NLGN1: variants seen among roughly 807,000 people sequenced by gnomAD.
The protein encoded by NLGN1 is neuroligin 1, also known as neuroligin-1.
In NLGN1, 12 loss-of-function variants were observed where a neutral mutation model predicts 65.5. That is an observed-to-expected ratio of 0.18 (90% CI 0.12 to 0.30). NLGN1 has a LOEUF of 0.30. NLGN1 is among the 10% of genes least tolerant of loss of function. The pLI is 1.00. For synonymous variants in NLGN1, 350 were observed against 359.5 expected (o/e 0.97, Z 0.30); for missense variants, 750 against 1,007.1 (o/e 0.74, Z 3.46).
At chr3:173,529,390 G>A (rs1265296555) in intron 2 of NLGN1, among the ~76,000 whole-genome samples, 1 of 152,134 alleles carries the variant, frequency 6.6e-6, no homozygotes, top group Non-Finnish European at 1.5e-5. Context: ...GTGAAGGGGG[G>A]ACAAAGATGG....
chr3:173,818,892 G>GTT (rs1224307666), intron 4 of NLGN1, among the ~76,000 whole-genome samples: 4 of 21,314 alleles, frequency 1.9e-4, no homozygotes, highest in Non-Finnish European at 4.4e-4. Context: ...CCTTTGAATA[G>GTT]TTCTTTTTTT....
chr3:173,420,200 A>G (rs1714760424), intron 1 of NLGN1, among the ~76,000 whole-genome samples: 1 of 151,922 alleles, frequency 6.6e-6, no homozygotes, highest in Non-Finnish European at 1.5e-5. Flanking sequence ...AGCATTAAGT[A>G]TATCTCCTAA....
At chr3:173,683,736 A>T (rs566337504) in intron 3 of NLGN1, among the ~76,000 whole-genome samples, 1 of 152,346 alleles carries the variant, frequency 6.6e-6, no homozygotes, top group African/African-American at 2.4e-5. Context: ...AAGATAATGT[A>T]TATGAAACAG....
intron 4 of NLGN1, among the ~76,000 whole-genome samples, chr3:174,080,339 ACT>A (rs1560993878): frequency 1.3e-5 from 2 of 152,214 alleles, no homozygotes; most frequent in African/African-American, 4.8e-5. Flanking sequence ...AGAAGGAGAG[ACT>A]GAGACAAATT....
rs775262683 is a variant in NLGN1 at position 173,950,959 on chromosome 3, C to T, written c.646+143127C>T. 5.9e-5 allele frequency among the ~76,000 whole-genome samples: 9 copies of T among 152,018 alleles called. No individual in the cohort carries two copies. In the South Asian group the frequency reaches 8.3e-4, roughly 14 times the overall value. On this transcript the variant is annotated intron_variant, in intron 4 of 6. Coordinates refer to ENST00000457714, the Ensembl canonical transcript of NLGN1. ...TTGGCTCACTACAACCTCCGTCTCC[C>T]GGGTTCAAGCGTTTCTCCTGACTCA...
At chr3:173,876,073 G>T (rs548138692) in intron 4 of NLGN1, among the ~76,000 whole-genome samples, 1 of 152,232 alleles carries the variant, frequency 6.6e-6, no homozygotes, top group South Asian at 2.1e-4. Context: ...AAGTATAGCA[G>T]TAGTGATAAA....
At chr3:173,500,074 A>G (rs539046062) in intron 2 of NLGN1, among the ~76,000 whole-genome samples, 17 of 152,212 alleles carry the variant, frequency 1.1e-4, no homozygotes, top group African/African-American at 4.1e-4. Context: ...CCTGGCTAGA[A>G]CTTCCAACAC....
intron 4 of NLGN1, among the ~76,000 whole-genome samples, chr3:174,230,344 A>C (rs765307522): frequency 5.4e-4 from 83 of 152,314 alleles, no homozygotes; most frequent in South Asian, 1.0e-3. Context: ...AATTAAAATG[A>C]GATGTCATTT....
At chr3:174,158,988 T>A (rs1384852859) in intron 4 of NLGN1, among the ~76,000 whole-genome samples, 1 of 151,672 alleles carries the variant, frequency 6.6e-6, no homozygotes, top group African/African-American at 2.4e-5. Context: ...TTTTGCAGTC[T>A]TCGAGATGTA....
At chr3:174,291,731 C>T in the NLGN1 span, among the ~76,000 whole-genome samples, 30 of 151,150 alleles carry the variant, frequency 2.0e-4, no homozygotes, top group South Asian at 6.2e-4. Context: ...TTACCATGAA[C>T]GCCTCCTGAG....
At chr3:173,565,745 T>C (rs1188474801) in intron 2 of NLGN1, among the ~76,000 whole-genome samples, 3 of 152,198 alleles carry the variant, frequency 2.0e-5, no homozygotes, top group Admixed American at 1.3e-4. Flanking sequence ...TACCCCCAAA[T>C]GCTTTGAAAG....
At chr3:173,901,344 T>TG (rs770484732) in intron 4 of NLGN1, among the ~76,000 whole-genome samples, 85 of 148,710 alleles carry the variant, frequency 5.7e-4, no homozygotes, top group Admixed American at 1.4e-3. Flanking sequence ...ATAGAATATT[T>TG]GAAAAACTAG....
chr3:173,445,222 C>T (rs1219871231), intron 2 of NLGN1, among the ~76,000 whole-genome samples: 2 of 144,870 alleles, frequency 1.4e-5, no homozygotes, highest in East Asian at 2.0e-4. Flanking sequence ...GAGCCGAGAT[C>T]CCGCCACTGC....
At chr3:174,137,804 G>T (rs1198360792) in intron 4 of NLGN1, among the ~76,000 whole-genome samples, 1 of 152,078 alleles carries the variant, frequency 6.6e-6, no homozygotes, top group Non-Finnish European at 1.5e-5. Flanking sequence ...ATTACTTCTG[G>T]TCTTATTAGG....
chr3:173,661,769 C>T lies in NLGN1; in HGVS notation c.493+56678C>T, dbSNP rs541470381. Among the ~76,000 whole-genome samples, 14 of 151,914 alleles carry T rather than the reference C, an allele frequency of 9.2e-5. No individual in the cohort carries two copies. The South Asian group carries it at 2.7e-3, about 29-fold the overall frequency. ...AAATAGCATAATCTGGCATTTTGGG[C>T]CACTTAGCGAAAGTCGTTAGAATAC... On this transcript the variant is annotated intron_variant, in intron 3 of 6. Coordinates refer to ENST00000457714, the Ensembl canonical transcript of NLGN1.
At chr3:174,219,398 A>C (rs953981049) in intron 4 of NLGN1, among the ~76,000 whole-genome samples, 3 of 152,096 alleles carry the variant, frequency 2.0e-5, no homozygotes, top group African/African-American at 7.2e-5. Context: ...AGTTGTTGTT[A>C]GACAGTATTC....
intron 3 of NLGN1, among the ~76,000 whole-genome samples, chr3:173,778,394 A>G (rs1351365942): frequency 3.3e-5 from 5 of 151,868 alleles, no homozygotes; most frequent in Admixed American, 6.6e-5. Context: ...CGATGGTTTT[A>G]GGAAATAGAA....
chr3:174,130,242 C>G (rs1719880181), intron 4 of NLGN1, among the ~76,000 whole-genome samples: 1 of 152,062 alleles, frequency 6.6e-6, no homozygotes, highest in South Asian at 2.1e-4. Flanking sequence ...GGTGTGGTGG[C>G]AGGCACCTGT....
At chr3:173,860,831 A>T (rs1728916503) in intron 4 of NLGN1, among the ~76,000 whole-genome samples, 1 of 152,108 alleles carries the variant, frequency 6.6e-6, no homozygotes, top group Non-Finnish European at 1.5e-5. Flanking sequence ...TCTCTATGTC[A>T]AAATATGAAG....
Sources: gnomAD v4.1 joint callset for allele counts (sites outside exome capture counted in the v4.1 genomes callset) on GRCh38, gnomAD v4.1.1 for gene constraint, MANE v1.5 for transcripts, NCBI Gene and HGNC (gene_info 2026-07-23, HGNC 2026-07-21) for gene names.